Variants in PXN observed in about 807,000 individuals in gnomAD.
The protein encoded by PXN is testicular tissue protein Li 134.
A neutral mutation model predicts 103.6 loss-of-function variants in PXN; 61 were observed. The ratio of observed to expected loss-of-function variants is 0.59; its 90% CI spans 0.48 to 0.73. The LOEUF is 0.73. Among genes scored for constraint, PXN ranks in the 30% least tolerant of loss-of-function variants. The probability of loss-of-function intolerance (pLI) is 0.00; values close to 1 mark genes in which losing one functional copy is unlikely to be tolerated. For synonymous variants in PXN, 562 were observed against 607.8 expected, an observed-to-expected ratio of 0.92 and a Z score of 1.11; for missense variants, 1,274 against 1,460.3, an observed-to-expected ratio of 0.87 and a Z score of 2.08.
At chr12:120,233,298 A>G (rs1047798432) in intron 1 of PXN, among the ~76,000 whole-genome samples, 4 of 152,082 alleles carry the variant, frequency 2.6e-5, no homozygotes, top group East Asian at 3.9e-4. Context: ...CACAGCATGG[A>G]TACCCTCATA....
intron 1 of PXN, among the ~76,000 whole-genome samples, chr12:120,248,403 C>A (rs1215028087): frequency 6.6e-6 from 1 of 151,848 alleles, no homozygotes; most frequent in Non-Finnish European, 1.5e-5. Flanking sequence ...TGTTCAACAG[C>A]CCCCACTGCC....
At chr12:120,250,166 C>T (rs1680763936) in intron 1 of PXN, 10 of 985,630 alleles carry the variant, frequency 1.0e-5, no homozygotes, top group Non-Finnish European at 1.2e-5. Context: ...GGGGAAATGG[C>T]AAATCCAGAG....
At chr12:120,227,793 C>T (rs1887195280) in intron 1 of PXN, among the ~76,000 whole-genome samples, 1 of 152,178 alleles carries the variant, frequency 6.6e-6, no homozygotes, top group African/African-American at 2.4e-5. Flanking sequence ...ACAGTAGACT[C>T]CTAGCTTTAC....
At position 120,265,397 on chromosome 12, in the gene PXN, G is replaced by C. The variant is rs1036776096; in HGVS notation, c.13+220C>G. Among the ~76,000 whole-genome samples, 1 of 151,944 alleles carries C rather than the reference G, an allele frequency of 6.6e-6. No individual in the cohort carries two copies. Among genetic ancestry groups the C allele is most frequent in the Non-Finnish European group, 1.5e-5 (1 of 67,980 alleles). On this transcript the variant is annotated intron_variant, in intron 1 of 14. Transcript: ENST00000637617. This position sits in a 1 kb window ranked among gnomAD's most constrained non-coding sequence, Gnocchi z 5.7. ...GTCCAGAGGTGAAGCCGTCCCAGAC[G>C]GGGGGTCGCTGCTGTGCGGTCGGTG...
chr12:120,212,968 G>GATCTA lies in PXN; in HGVS notation c.2980-389_2980-388insTAGAT. On this transcript the variant is annotated intron_variant, in intron 14 of 14. Coordinates refer to ENST00000637617, the MANE Select transcript of PXN (RefSeq NM_001385981.1). This position sits in a 1 kb window ranked among gnomAD's most constrained non-coding sequence, Gnocchi z 7.2. ...ATTCATACACAGGTCTGACTCCTGAGCACTTAGCCAGGTGGCTGTAACAGT... is the reference window on the plus strand; with the variant it reads ...ATTCATACACAGGTCTGACTCCTGAGATCTACACTTAGCCAGGTGGCTGTAACAGT... 4 of 172,680 alleles carry GATCTA rather than the reference G, an allele frequency of 2.3e-5. No individual in the cohort carries two copies. Among genetic ancestry groups the GATCTA allele is most frequent in the South Asian group, 3.1e-4 (2 of 6,534 alleles). The allele number at this position is 172,680 out of a possible 1,614,324, so 10.7% of individuals were successfully genotyped here. A position where few individuals can be genotyped will look rare whatever the true frequency, so the allele number is the denominator to read the frequency against.
chr12:120,235,134 G>A (rs957724345), intron 1 of PXN, among the ~76,000 whole-genome samples: 1 of 152,018 alleles, frequency 6.6e-6, no homozygotes, highest in African/African-American at 2.4e-5. Flanking sequence ...ACTGCCTGCC[G>A]GGAAGTCACA....
chr12:120,243,699 C>T (rs2136533868), intron 1 of PXN, among the ~76,000 whole-genome samples: 1 of 152,228 alleles, frequency 6.6e-6, no homozygotes. Context: ...TCTTAAAACA[C>T]ACACAAAACA....
chr12:120,224,322 C>T lies in PXN; in HGVS notation c.69G>A (p.Val23=), dbSNP rs1395066473. The part of the protein sequence containing the change: ...STTSHISKRP[V]FLSEETPYSY... ...AGTAGGGGGTCTCCTCCGACAAGAA[C>T]ACAGGCCGTTTGGAGATGTGGGAGG... The change falls in exon 2 of 15, where the codon GTG becomes GTA. Residue 23 remains valine (V), a synonymous_variant. Coordinates refer to ENST00000637617, the MANE Select transcript of PXN (RefSeq NM_001385981.1). The surrounding 1 kb of genome is among the most constrained non-coding windows in gnomAD (Gnocchi z 5.0). The T allele has an allele frequency of 6.2e-7, 1 of 1,613,916 alleles. No individual in the cohort carries two copies. Among genetic ancestry groups the T allele is most frequent in the Non-Finnish European group, 8.5e-7 (1 of 1,179,904 alleles).
chr12:120,214,742 C>G lies in PXN; in HGVS notation c.2748+83G>C, dbSNP rs974586160. The G allele has an allele frequency of 1.0e-5, 16 of 1,554,188 alleles. No individual in the cohort carries two copies. The African/African-American group carries it at 2.2e-4, about 21-fold the overall frequency. On this transcript the variant is annotated intron_variant, in intron 12 of 14. Transcript: ENST00000637617. This position sits in a 1 kb window ranked among gnomAD's most constrained non-coding sequence, Gnocchi z 5.0. ...CGGGCATGTGACCTCTCTGAGCCTC[C>G]CACGGCACCCCCTGCATCCTCAGAG...
Position 120,212,188 on chromosome 12 carries a change from C to G in PXN, c.*126G>C. ...CTCACGGCCCTCTGTCCATCCCGCA[C>G]CAGCGGAGGACAAGGGTTCCAGTTT... On this transcript the variant is annotated 3_prime_UTR_variant, in exon 15 of 15. Transcript: ENST00000637617. The surrounding 1 kb of genome is among the most constrained non-coding windows in gnomAD (Gnocchi z 7.2). 7.3e-7 allele frequency: 1 copy of G among 1,369,042 alleles called. No homozygotes were observed. Among genetic ancestry groups the G allele is most frequent in the Non-Finnish European group, 1.0e-6 (1 of 1,002,106 alleles). The allele number at this position is 1,369,042 out of a possible 1,614,324, so 84.8% of individuals were successfully genotyped here. A position where few individuals can be genotyped will look rare whatever the true frequency, so the allele number is the denominator to read the frequency against.
chr12:120,215,752 G>C lies in PXN; in HGVS notation c.2302-91C>G. ...TGTCACTGGACTAAAAGGGAATCTA[G>C]GATGAGATCTGAGGGTTTCTCCCCC... is the stretch of plus-strand genomic sequence containing the variant. On this transcript the variant is annotated intron_variant, in intron 9 of 14. Coordinates refer to ENST00000637617, the MANE Select transcript of PXN (RefSeq NM_001385981.1). This position sits in a 1 kb window ranked among gnomAD's most constrained non-coding sequence, Gnocchi z 4.9. 7.2e-7 allele frequency: 1 copy of C among 1,396,626 alleles called. No individual in the cohort carries two copies. Among genetic ancestry groups the C allele is most frequent in the South Asian group, 1.4e-5 (1 of 68,986 alleles). The allele number at this position is 1,396,626 out of a possible 1,614,324, so 86.5% of individuals were successfully genotyped here.
At chr12:120,254,366 T>G (rs1892676008) in intron 1 of PXN, among the ~76,000 whole-genome samples, 1 of 152,266 alleles carries the variant, frequency 6.6e-6, no homozygotes, top group South Asian at 2.1e-4. Context: ...AAAATCGTAC[T>G]CGGGATTTTC....
At chr12:120,258,649 GC>G (rs1350117879) in intron 1 of PXN, among the ~76,000 whole-genome samples, 3 of 152,200 alleles carry the variant, frequency 2.0e-5, no homozygotes, top group Non-Finnish European at 4.4e-5. Flanking sequence ...AAGTTGAGAG[GC>G]CCGGGTACTC....
chr12:120,221,812 C>T lies in PXN; in HGVS notation c.696-54G>A, dbSNP rs994515360. 3.3e-6 allele frequency: 5 copies of T among 1,507,626 alleles called. No homozygotes were observed. Among genetic ancestry groups the T allele is most frequent in the Admixed American group, 2.0e-5 (1 of 49,862 alleles). The allele number at this position is 1,507,626 out of a possible 1,614,324, so 93.4% of individuals were successfully genotyped here. A position where few individuals can be genotyped will look rare whatever the true frequency, so the allele number is the denominator to read the frequency against. ...AGCCCACAGTCAGCCCCACACTTCCCGGGGATCAGATCGACCTCTCACCTC... is the reference window on the plus strand; with the variant it reads ...AGCCCACAGTCAGCCCCACACTTCCTGGGGATCAGATCGACCTCTCACCTC... On this transcript the variant is annotated intron_variant, in intron 5 of 14. Transcript: ENST00000637617. This position sits in a 1 kb window ranked among gnomAD's most constrained non-coding sequence, Gnocchi z 6.6.
At chr12:120,241,644 A>T (rs1890161915) in intron 1 of PXN, among the ~76,000 whole-genome samples, 1 of 152,250 alleles carries the variant, frequency 6.6e-6, no homozygotes, top group African/African-American at 2.4e-5. Flanking sequence ...GCAGTGGGCC[A>T]GGAGGAAAGG....
chr12:120,215,430 T>C lies in PXN; in HGVS notation c.2403+130A>G. 6.9e-7 allele frequency: 1 copy of C among 1,449,020 alleles called. No homozygotes were observed. Among genetic ancestry groups the C allele is most frequent in the Admixed American group, 2.7e-5 (1 of 37,510 alleles). The allele number at this position is 1,449,020 out of a possible 1,614,324, so 89.8% of individuals were successfully genotyped here. ...GGGGCCAGGAGCCCTAAAGTGGGAGTGACGTCAGCAGGACTCCTGGTGGTC... is the reference window on the plus strand; with the variant it reads ...GGGGCCAGGAGCCCTAAAGTGGGAGCGACGTCAGCAGGACTCCTGGTGGTC... On this transcript the variant is annotated intron_variant, in intron 10 of 14. Transcript: ENST00000637617. The surrounding 1 kb of genome is among the most constrained non-coding windows in gnomAD (Gnocchi z 4.9).
At chr12:120,240,025 C>T (rs117382964) in intron 1 of PXN, among the ~76,000 whole-genome samples, 2,131 of 151,134 alleles carry the variant, frequency 0.014, 28 homozygotes, top group Non-Finnish European at 0.019. Context: ...CAGGTTTTGT[C>T]GCTGAACTAC....
At position 120,223,758 on chromosome 12, in the gene PXN, A is replaced by G. The variant is rs1243216556; in HGVS notation, c.316T>C (p.Ser106Pro). Residue 106 changes from serine (S) to proline (P), a missense_variant, in exon 3 of 15, where the codon TCT (serine) becomes CCT (proline). Physicochemically the swap from Ser to Pro is moderately conservative, Grantham distance 74. Transcript: ENST00000637617. ...SVSNPQDSVG[S>P]PCSRVGEEEH... Reference sequence around the variant, plus strand: ...TCCTCACCCACTCGGGAGCACGGAGAGCCAACACTGTCCTGAGGGTTGGAG... The same window carrying G: ...TCCTCACCCACTCGGGAGCACGGAGGGCCAACACTGTCCTGAGGGTTGGAG... The G allele has an allele frequency of 6.2e-7, 1 of 1,608,566 alleles. No homozygotes were observed. The highest frequency in any genetic ancestry group is 8.5e-7 in the Non-Finnish European group (1 of 1,177,600).
At chr12:120,233,926 A>G (rs1198976754) in intron 1 of PXN, among the ~76,000 whole-genome samples, 1 of 152,152 alleles carries the variant, frequency 6.6e-6, no homozygotes, top group Non-Finnish European at 1.5e-5. Flanking sequence ...GCACAAGGAT[A>G]TCCATACCCC....
Sources: allele counts gnomAD v4.1 joint callset (sites outside exome capture counted in the v4.1 genomes callset), GRCh38; gene constraint gnomAD v4.1.1; non-coding constraint Gnocchi (gnomAD v3.1); transcripts MANE v1.5; gene names NCBI Gene and HGNC (gene_info 2026-07-23, HGNC 2026-07-21).